Variants in CCT5 observed in about 807,000 individuals in gnomAD.
CCT5 encodes the protein T-complex protein 1 subunit epsilon.
In CCT5, 6 loss-of-function variants were observed where a neutral mutation model predicts 55.0. The ratio of observed to expected loss-of-function variants is 0.11; its 90% CI spans 0.06 to 0.22. CCT5 has a LOEUF of 0.22. CCT5 is among the 10% of genes least tolerant of loss of function. The probability of loss-of-function intolerance (pLI) is 1.00; values close to 1 mark genes in which losing one functional copy is unlikely to be tolerated. For missense variants in CCT5, 560 were observed against 694.6 expected (o/e 0.81, Z 2.18); for synonymous variants, 231 against 243.7 (o/e 0.95, Z 0.49).
At chr5:10,256,905 C>A (rs1223651710) in intron 4 of CCT5, among the ~76,000 whole-genome samples, 1 of 152,184 alleles carries the variant, frequency 6.6e-6, no homozygotes, top group African/African-American at 2.4e-5. Context: ...GTTTGCCAGG[C>A]TTACTGCCAG....
intron 9 of CCT5, 75 bp from the exon 10 acceptor site, chr5:10,263,059 C>T: frequency 2.5e-6 from 3 of 1,191,786 alleles, no homozygotes; most frequent in Non-Finnish European, 3.8e-6. Context: ...GTATGTGATA[C>T]AGTTGTGTTT....
Position 10,258,383 on chromosome 5 carries a change from T to C in CCT5, c.724-3T>C. The C allele has an allele frequency of 6.2e-7, 1 of 1,614,072 alleles. No homozygotes were observed. Among genetic ancestry groups the C allele is most frequent in the Non-Finnish European group, 8.5e-7 (1 of 1,180,026 alleles). ...ATTAAAATGTCTTTATGTTCCCCCA[T>C]AGAAAGTGGAAGATGCGAAGATTGC... On this transcript the variant is annotated splice_polypyrimidine_tract_variant and splice_region_variant and intron_variant, in intron 5 of 10. Transcript: ENST00000280326.
In CCT5 at chr5:10,258,112, G is replaced by A; in HGVS notation, c.532G>A (p.Val178Ile). 2 of 1,614,206 alleles carry A rather than the reference G, an allele frequency of 1.2e-6. No homozygotes were observed. Among genetic ancestry groups the A allele is most frequent in the Admixed American group, 1.7e-5 (1 of 60,020 alleles). The change falls in exon 5 of 11, where the codon GTC (valine) becomes ATC (isoleucine). Residue 178 changes from valine to isoleucine, a missense_variant and splice_region_variant. By Grantham distance (29) the Val-to-Ile change is conservative (BLOSUM62 3). Around this residue, in one of 4 missense-constraint regions of CCT5, gnomAD observed 256 missense variants for 372.4 expected, o/e 0.69. Transcript: ENST00000280326. ...TTTGTTTTGTGGTGTTTTCCTCAGGGTCAACAGTTGTCACCGACAGATGGC... is the reference window on the plus strand; with the variant it reads ...TTTGTTTTGTGGTGTTTTCCTCAGGATCAACAGTTGTCACCGACAGATGGC... The part of the protein sequence containing the change: ...TAKTTLGSKV[V>I]NSCHRQMAEI...
At chr5:10,256,408 G>C (rs1745683287) in intron 4 of CCT5, among the ~76,000 whole-genome samples, 1 of 152,192 alleles carries the variant, frequency 6.6e-6, no homozygotes, top group African/African-American at 2.4e-5. Flanking sequence ...TAATTTAGCA[G>C]AATAGGTTGT....
At position 10,263,083 on chromosome 5, in the gene CCT5, G is replaced by A. The variant is rs754438869; in HGVS notation, c.1318-51G>A. 3 of 1,488,536 alleles carry A rather than the reference G, an allele frequency of 2.0e-6. No individual in the cohort carries two copies. In the East Asian group the frequency reaches 6.8e-5, roughly 34 times the overall value. 92.2% of individuals were successfully genotyped at this position (1,488,536 alleles called of 1,614,324 possible). A position where few individuals can be genotyped will look rare whatever the true frequency, so the allele number is the denominator to read the frequency against. On this transcript the variant is annotated intron_variant, in intron 9 of 10. Transcript: ENST00000280326. ...ACAGTTGTGTTTTCACGGTGCCGCT[G>A]GGTTGTTTTGTTTCGCCAAGTGCAC...
At chr5:10,256,611 T>A (rs993103932) in intron 4 of CCT5, among the ~76,000 whole-genome samples, 2 of 149,688 alleles carry the variant, frequency 1.3e-5, no homozygotes, top group African/African-American at 4.9e-5. Flanking sequence ...GAGGCTGAGG[T>A]GAGAGGTCGA....
At chr5:10,263,339 T>TGGGGG (rs141955965) in intron 10 of CCT5, 25 bp downstream of exon 10, 1 of 420,222 alleles carries the variant, frequency 2.4e-6, no homozygotes, top group African/African-American at 3.7e-5. Context: ...CGCCTCTGCG[T>TGGGGG]GGAGGGGGGG....
chr5:10,259,022 G>A (rs1231373748), intron 6 of CCT5, among the ~76,000 whole-genome samples: 3 of 152,200 alleles, frequency 2.0e-5, no homozygotes, highest in Non-Finnish European at 4.4e-5. Context: ...TCAGGGTCCT[G>A]AAAGAAGTGA....
At chr5:10,261,405 G>C (rs1745953633) in intron 7 of CCT5, among the ~76,000 whole-genome samples, 155 bp from the exon 8 acceptor site, 1 of 152,216 alleles carries the variant, frequency 6.6e-6, no homozygotes, top group South Asian at 2.1e-4. Flanking sequence ...CTAGCAAGGT[G>C]CTTTGGGTTG....
chr5:10,261,054 G>A (rs979182046), intron 7 of CCT5, 143 bp downstream of exon 7: 12 of 855,074 alleles, frequency 1.4e-5, no homozygotes, highest in Non-Finnish European at 2.2e-5. Context: ...AGAGGAAAGC[G>A]CTGGAATCTT....
chr5:10,256,927 A>G (rs1745712828), intron 4 of CCT5, among the ~76,000 whole-genome samples: 1 of 152,190 alleles, frequency 6.6e-6, no homozygotes, highest in Admixed American at 6.5e-5. Context: ...TCTTATGGGC[A>G]CTAAGACACA....
intron 1 of CCT5, among the ~76,000 whole-genome samples, chr5:10,251,864 A>G (rs576694847): frequency 8.4e-4 from 128 of 152,376 alleles, no homozygotes; most frequent in Non-Finnish European, 1.5e-3. Context: ...GTAACAACAT[A>G]ACTAAAACTA....
chr5:10,263,209 A>G lies in CCT5; in HGVS notation c.1393A>G (p.Asn465Asp), dbSNP rs1746053070. Residue 465 changes from asparagine (N) to aspartate (D), a missense_variant, in exon 10 of 11, where the codon AAC becomes GAC. Around this residue, in one of 4 missense-constraint regions of CCT5, gnomAD observed 115 missense variants for 105.0 expected, o/e 1.10. Coordinates refer to ENST00000280326, the MANE Select transcript of CCT5 (RefSeq NM_012073.5). The part of the protein sequence containing the change: ...LEVIPMALSE[N>D]SGMNPIQTMT... ...GGTCATCCCCATGGCCCTCTCTGAA[A>G]ACAGTGGCATGAATCCCATCCAGAC... The G allele has an allele frequency of 6.2e-7, 1 of 1,614,202 alleles. No individual in the cohort carries two copies. Among genetic ancestry groups the G allele is most frequent in the East Asian group, 2.2e-5 (1 of 44,882 alleles).
intron 1 of CCT5, among the ~76,000 whole-genome samples, chr5:10,251,864 A>T (rs576694847): frequency 6.6e-6 from 1 of 152,258 alleles, no homozygotes; most frequent in Non-Finnish European, 1.5e-5. Flanking sequence ...GTAACAACAT[A>T]ACTAAAACTA....
intron 3 of CCT5, 76 bp from the exon 4 acceptor site, chr5:10,255,879 T>A: frequency 7.9e-7 from 1 of 1,272,988 alleles, no homozygotes; most frequent in East Asian, 2.4e-5. Context: ...CATGATAGCA[T>A]CTAACTTGTG....
intron 4 of CCT5, 57 bp downstream of exon 4, chr5:10,256,210 A>G (rs1745670698): frequency 2.1e-6 from 3 of 1,452,248 alleles, no homozygotes; most frequent in Admixed American, 1.8e-5. Context: ...TTTGTTTGCC[A>G]TTTCTTAAAG....
intron 7 of CCT5, chr5:10,261,304 G>A: frequency 1.9e-6 from 1 of 528,840 alleles, no homozygotes; most frequent in Non-Finnish European, 3.4e-6. Context: ...GATGGGAGAT[G>A]AGGGTATGAG....
chr5:10,250,452 G>T lies in CCT5; in HGVS notation c.105+7G>T, dbSNP rs765676705. On this transcript the variant is annotated splice_region_variant and intron_variant, in intron 1 of 10. Transcript: ENST00000280326. ...GGGACTTGAGGCCCTCAAGGTAATG[G>T]CACAGGGACCTGCTCGCGGTGGGCT... 1.2e-6 allele frequency: 2 copies of T among 1,612,490 alleles called. No individual in the cohort carries two copies. Among genetic ancestry groups the T allele is most frequent in the African/African-American group, 2.7e-5 (2 of 74,890 alleles).
chr5:10,254,621 G>T (rs1745585262), intron 2 of CCT5, 53 bp from the exon 3 acceptor site: 2 of 1,516,248 alleles, frequency 1.3e-6, no homozygotes, highest in Non-Finnish European at 1.8e-6. Flanking sequence ...TTTATAGTTT[G>T]TGATATTGGT....
Sources: gnomAD v4.1 joint callset for allele counts (sites outside exome capture counted in the v4.1 genomes callset) on GRCh38, gnomAD v4.1.1 for gene constraint, gnomAD v4.1.1 regional missense constraint, MANE v1.5 for transcripts, NCBI Gene and HGNC (gene_info 2026-07-23, HGNC 2026-07-21) for gene names.